Variants in MARCHF5 observed in about 807,000 individuals in gnomAD.
MARCHF5 encodes the protein E3 ubiquitin-protein ligase MARCHF5.
Under a neutral mutation model 36.5 loss-of-function variants are expected in MARCHF5, and 5 were observed. The ratio of observed to expected loss-of-function variants is 0.14; its 90% CI spans 0.07 to 0.29. The LOEUF (loss-of-function observed/expected upper bound fraction) is 0.29. MARCHF5 is among the 10% of genes least tolerant of loss of function. The pLI is 1.00. For missense variants in MARCHF5, 179 were observed against 336.3 expected (o/e 0.53, Z 3.66); for synonymous variants, 103 against 109.9 (o/e 0.94, Z 0.39).
intron 2 of MARCHF5, among the ~76,000 whole-genome samples, chr10:92,329,445 G>A (rs1843411602): frequency 6.6e-6 from 1 of 152,136 alleles, no homozygotes; most frequent in Admixed American, 6.6e-5. Flanking sequence ...AAACTTCATG[G>A]CTTCAATTTT....
At chr10:92,319,292 C>T (rs889066760) in intron 2 of MARCHF5, among the ~76,000 whole-genome samples, 4 of 135,600 alleles carry the variant, frequency 2.9e-5, no homozygotes, top group African/African-American at 7.9e-5. Context: ...TATGTATCTA[C>T]TTTACTTTTT....
At chr10:92,313,499 G>A (rs1222391920) in intron 2 of MARCHF5, among the ~76,000 whole-genome samples, 2 of 151,958 alleles carry the variant, frequency 1.3e-5, no homozygotes, top group Non-Finnish European at 2.9e-5. Context: ...CAGCTACTCG[G>A]GAGGCTGAGG....
At chr10:92,330,018 T>C (rs947939923) in intron 2 of MARCHF5, among the ~76,000 whole-genome samples, 1 of 152,182 alleles carries the variant, frequency 6.6e-6, no homozygotes, top group Admixed American at 6.5e-5. Context: ...AACTTTTGTA[T>C]TTTTATTAGA....
At chr10:92,342,143 A>G (rs987746263) in intron 3 of MARCHF5, among the ~76,000 whole-genome samples, 8 of 133,258 alleles carry the variant, frequency 6.0e-5, no homozygotes, top group African/African-American at 1.6e-4. Context: ...ACCCCCCTCA[A>G]TACTCCCCAC....
chr10:92,296,965 G>C (rs535658617), intron 1 of MARCHF5, among the ~76,000 whole-genome samples: 1 of 152,100 alleles, frequency 6.6e-6, no homozygotes, highest in Non-Finnish European at 1.5e-5. Context: ...CCAATGCCCA[G>C]AATTAAAAAT....
chr10:92,298,603 G>T (rs1663832973), intron 1 of MARCHF5, among the ~76,000 whole-genome samples: 1 of 152,096 alleles, frequency 6.6e-6, no homozygotes, highest in Admixed American at 6.5e-5. Flanking sequence ...ACAGGGTCTG[G>T]CTCTGTCGCC....
At chr10:92,334,879 T>C (rs1361185688) in intron 2 of MARCHF5, among the ~76,000 whole-genome samples, 1 of 152,164 alleles carries the variant, frequency 6.6e-6, no homozygotes, top group Non-Finnish European at 1.5e-5. Flanking sequence ...GTTGTTCTCT[T>C]TACAAAAGCT....
At chr10:92,328,751 A>G (rs890513388) in intron 2 of MARCHF5, among the ~76,000 whole-genome samples, 4 of 149,756 alleles carry the variant, frequency 2.7e-5, no homozygotes, top group Non-Finnish European at 4.4e-5. Flanking sequence ...ATGTTGCCCT[A>G]TCCTCTGCAT....
Position 92,326,783 on chromosome 10 carries a change from G to GT in MARCHF5, c.239-13876dup, listed in dbSNP as rs575161225. ...GAGCAACTGCAATATCTCATAAGCA[G>GT]TTTTTTTTTTTTTTAACTCATTTGA... is the stretch of plus-strand genomic sequence containing the variant. On this transcript the variant is annotated intron_variant, in intron 2 of 5. Coordinates refer to ENST00000358935, the MANE Select transcript of MARCHF5 (RefSeq NM_017824.5). Among the ~76,000 whole-genome samples the GT allele has an allele frequency of 4.6e-3, 649 of 141,900 alleles. 4 individuals carry two copies. The highest frequency in any genetic ancestry group is 0.043 in the South Asian group (188 of 4,396). 93.1% of individuals were successfully genotyped at this position (141,900 alleles called of 152,430 possible).
intron 3 of MARCHF5, among the ~76,000 whole-genome samples, chr10:92,344,013 T>C (rs1387270150): frequency 6.6e-6 from 1 of 152,200 alleles, no homozygotes; most frequent in Non-Finnish European, 1.5e-5. Context: ...AAATACATTA[T>C]ATAGATATAT....
chr10:92,308,897 G>T (rs574333405), intron 1 of MARCHF5, among the ~76,000 whole-genome samples: 19 of 152,040 alleles, frequency 1.2e-4, no homozygotes, highest in Non-Finnish European at 2.2e-4. Context: ...AGTAGAGACA[G>T]GGTTTCACCG....
chr10:92,320,337 A>G (rs1372432551), intron 2 of MARCHF5, among the ~76,000 whole-genome samples: 1 of 152,090 alleles, frequency 6.6e-6, no homozygotes, highest in African/African-American at 2.4e-5. Flanking sequence ...GATTACAGGC[A>G]TGATCCACCA....
At position 92,306,949 on chromosome 10, in the gene MARCHF5, G is replaced by A. The variant is rs561383330; in HGVS notation, c.36-4186G>A. Among the ~76,000 whole-genome samples, 59 of 152,298 alleles carry A rather than the reference G, an allele frequency of 3.9e-4. 1 individual carries two copies. Among genetic ancestry groups the A allele is most frequent in the South Asian group, 3.7e-3 (18 of 4,826 alleles). On this transcript the variant is annotated intron_variant, in intron 1 of 5. Coordinates refer to ENST00000358935, the MANE Select transcript of MARCHF5 (RefSeq NM_017824.5). The stretch of plus-strand genomic sequence containing the variant: ...GAATCACTTGAACCCAGGAGGCAGA[G>A]GTTGCAGTGAGTCAAGATTGCACCA...
intron 2 of MARCHF5, among the ~76,000 whole-genome samples, chr10:92,331,020 G>A (rs1250251069): frequency 2.0e-5 from 3 of 152,064 alleles, no homozygotes; most frequent in Non-Finnish European, 4.4e-5. Flanking sequence ...ATAACTCATT[G>A]TTCTTTTCTA....
intron 1 of MARCHF5, among the ~76,000 whole-genome samples, chr10:92,309,676 A>G (rs2135185183): frequency 6.6e-6 from 1 of 152,208 alleles, no homozygotes; most frequent in South Asian, 2.1e-4. Context: ...TTACCAATTG[A>G]AATTTTATGC....
At chr10:92,324,006 A>G (rs1240042250) in intron 2 of MARCHF5, among the ~76,000 whole-genome samples, 1 of 152,194 alleles carries the variant, frequency 6.6e-6, no homozygotes, top group Non-Finnish European at 1.5e-5. Context: ...TGTACCATGT[A>G]CCATTTTGCA....
Position 92,351,489 on chromosome 10 carries a change from A to G in MARCHF5, c.*282A>G, listed in dbSNP as rs137980722. On this transcript the variant is annotated 3_prime_UTR_variant, in exon 6 of 6. Transcript: ENST00000358935. ...GGTTTTGTTCATATTTTCTCCAGAC[A>G]GAAATGCAAAGATCAAACTGTGCAA... 183 of 230,500 alleles carry G rather than the reference A, an allele frequency of 7.9e-4. 1 individual carries two copies. The highest frequency in any genetic ancestry group is 3.8e-3 in the African/African-American group (166 of 44,248). 14.3% of individuals were successfully genotyped at this position (230,500 alleles called of 1,614,324 possible). A position where few individuals can be genotyped will look rare whatever the true frequency, so the allele number is the denominator to read the frequency against.
intron 2 of MARCHF5, among the ~76,000 whole-genome samples, chr10:92,318,884 T>A (rs763544097): frequency 9.2e-5 from 14 of 152,116 alleles, no homozygotes; most frequent in Non-Finnish European, 1.9e-4. Context: ...TTTTTGTATT[T>A]TTAGTAGAGT....
chr10:92,341,913 C>A (rs1843584737), intron 3 of MARCHF5, among the ~76,000 whole-genome samples: 1 of 151,316 alleles, frequency 6.6e-6, no homozygotes, highest in Admixed American at 6.6e-5. Context: ...CCTTAGCCTC[C>A]ATAGTAGCTG....
Sources: gnomAD v4.1 joint callset for allele counts (sites outside exome capture counted in the v4.1 genomes callset) on GRCh38, gnomAD v4.1.1 for gene constraint, MANE v1.5 for transcripts, NCBI Gene and HGNC (gene_info 2026-07-23, HGNC 2026-07-21) for gene names.